Variants in PDLIM5 observed in about 807,000 individuals in gnomAD.
The protein encoded by PDLIM5 is PDZ and LIM domain 5, also known as PDZ and LIM domain protein 5.
In PDLIM5, 34 loss-of-function variants were observed where a neutral mutation model predicts 64.2. The observed-to-expected ratio is 0.53, with a 90% CI of 0.40 to 0.71. The LOEUF (loss-of-function observed/expected upper bound fraction) is 0.71, where lower values mean the gene tolerates loss of function less well. Ranked by LOEUF, PDLIM5 falls within the 30% of genes least tolerant of loss-of-function variation. PDLIM5 has a pLI of 0.00. For synonymous variants in PDLIM5, 253 were observed against 269.1 expected, an observed-to-expected ratio of 0.94 and a Z score of 0.59; for missense variants, 683 against 733.6, an observed-to-expected ratio of 0.93 and a Z score of 0.80.
In PDLIM5 at chr4:94,665,642, G is replaced by A; in HGVS notation, c.*1575G>A. On this transcript the variant is annotated 3_prime_UTR_variant, in exon 13 of 13. Coordinates refer to ENST00000317968, the MANE Select transcript of PDLIM5 (RefSeq NM_006457.5). ...CAGTTTCTGAGTTATGCCACTGGCTGATGAAGAGTTGAGAGGTCTCTTTGC... is the reference window on the plus strand; with the variant it reads ...CAGTTTCTGAGTTATGCCACTGGCTAATGAAGAGTTGAGAGGTCTCTTTGC... 1.9e-6 allele frequency: 2 copies of A among 1,026,228 alleles called. No individual in the cohort carries two copies. Among genetic ancestry groups the A allele is most frequent in the Non-Finnish European group, 2.3e-6 (2 of 856,960 alleles). 63.6% of individuals were successfully genotyped at this position (1,026,228 alleles called of 1,614,324 possible). A position where few individuals can be genotyped will look rare whatever the true frequency, so the allele number is the denominator to read the frequency against.
At chr4:94,592,781 C>T (rs1457806504) in intron 7 of PDLIM5, among the ~76,000 whole-genome samples, 1 of 152,086 alleles carries the variant, frequency 6.6e-6, no homozygotes, top group Admixed American at 6.6e-5. Flanking sequence ...CACACACCAC[C>T]ACACCTGGCT....
intron 8 of PDLIM5, among the ~76,000 whole-genome samples, chr4:94,626,805 T>C (rs978625909): frequency 6.6e-6 from 1 of 152,028 alleles, no homozygotes; most frequent in African/African-American, 2.4e-5. Context: ...TGTTTTTTTT[T>C]TGTGAGAAAG....
At chr4:94,541,074 C>T (rs1731764983) in intron 3 of PDLIM5, among the ~76,000 whole-genome samples, 1 of 152,198 alleles carries the variant, frequency 6.6e-6, no homozygotes, top group Admixed American at 6.5e-5. Context: ...GAGGCAAATT[C>T]ATGTGGGCTG....
chr4:94,546,420 T>C (rs1732322842), intron 3 of PDLIM5, among the ~76,000 whole-genome samples: 1 of 152,214 alleles, frequency 6.6e-6, no homozygotes, highest in Admixed American at 6.5e-5. Flanking sequence ...TAAACTTATC[T>C]AGAGAAGCAT....
intron 2 of PDLIM5, among the ~76,000 whole-genome samples, chr4:94,466,091 C>T (rs754345332): frequency 1.1e-4 from 17 of 152,058 alleles, no homozygotes; most frequent in Non-Finnish European, 2.4e-4. Flanking sequence ...CCTCAGCCTC[C>T]CAAGCAGCTG....
At chr4:94,558,047 C>G (rs1467164265) in intron 3 of PDLIM5, among the ~76,000 whole-genome samples, 1 of 152,096 alleles carries the variant, frequency 6.6e-6, no homozygotes, top group Non-Finnish European at 1.5e-5. Flanking sequence ...GTGAGTTTGT[C>G]ATAAGTAGCT....
chr4:94,588,736 A>C (rs1323130084), intron 7 of PDLIM5, among the ~76,000 whole-genome samples: 2 of 152,198 alleles, frequency 1.3e-5, no homozygotes, highest in Non-Finnish European at 2.9e-5. Flanking sequence ...TTACCGCTGA[A>C]GGACCTTGCC....
At chr4:94,564,464 G>A (rs185808171) in intron 3 of PDLIM5, among the ~76,000 whole-genome samples, 9 of 152,120 alleles carry the variant, frequency 5.9e-5, no homozygotes, top group Admixed American at 5.2e-4. Context: ...CAGGAATTCC[G>A]TACTTCAGGT....
chr4:94,599,778 T>C (rs1164888742), intron 7 of PDLIM5, among the ~76,000 whole-genome samples: 3 of 152,086 alleles, frequency 2.0e-5, no homozygotes, highest in African/African-American at 7.2e-5. Flanking sequence ...GTGAATGGTA[T>C]AGTGAGCCTC....
chr4:94,582,717 T>C (rs764048328), intron 5 of PDLIM5: 1 of 1,577,580 alleles, frequency 6.3e-7, no homozygotes, highest in Non-Finnish European at 8.7e-7. Flanking sequence ...CTTCCCTCAG[T>C]AACCCTGGCA....
chr4:94,501,998 G>A (rs1430362683), intron 2 of PDLIM5, among the ~76,000 whole-genome samples: 3 of 151,528 alleles, frequency 2.0e-5, no homozygotes, highest in Non-Finnish European at 2.9e-5. Context: ...AGGGGACTTT[G>A]GGGGCTCTGC....
chr4:94,564,445 T>G (rs1278868579), intron 3 of PDLIM5, among the ~76,000 whole-genome samples: 1 of 152,098 alleles, frequency 6.6e-6, no homozygotes, highest in African/African-American at 2.4e-5. Context: ...CACTTGCTAT[T>G]TGGACTGCCA....
At chr4:94,470,359 A>G (rs1457930255) in intron 2 of PDLIM5, among the ~76,000 whole-genome samples, 3 of 152,194 alleles carry the variant, frequency 2.0e-5, no homozygotes. Context: ...CTACTTTAAT[A>G]AAGAAATGTT....
chr4:94,658,585 G>A (rs1473830659), intron 11 of PDLIM5, among the ~76,000 whole-genome samples: 4 of 152,214 alleles, frequency 2.6e-5, no homozygotes, highest in African/African-American at 9.7e-5. Flanking sequence ...GCTCTGTGCT[G>A]ATAGAAGGAG....
At chr4:94,662,070 C>T (rs1437217404) in intron 11 of PDLIM5, among the ~76,000 whole-genome samples, 3 of 152,122 alleles carry the variant, frequency 2.0e-5, no homozygotes, top group Non-Finnish European at 4.4e-5. Flanking sequence ...CTGCCTACCT[C>T]AGCCTCCCAA....
chr4:94,584,012 A>G (rs766718694), intron 5 of PDLIM5, among the ~76,000 whole-genome samples: 2 of 152,220 alleles, frequency 1.3e-5, no homozygotes, highest in Non-Finnish European at 2.9e-5. Flanking sequence ...ACTAACTGTA[A>G]TTCTATCCTG....
chr4:94,541,734 GC>G (rs1731823006), intron 3 of PDLIM5, among the ~76,000 whole-genome samples: 2 of 152,236 alleles, frequency 1.3e-5, no homozygotes. Flanking sequence ...TCTCTGCCCA[GC>G]TGGAGGGGGC....
rs577592144 is a variant in PDLIM5, at chr4:94,539,263, A to C, written c.248+15388A>C. ...ACTTATATGTGTCTATGTATAATATATATGTGTCTATTTATAATATGTAAT... is the reference window on the plus strand; with the variant it reads ...ACTTATATGTGTCTATGTATAATATCTATGTGTCTATTTATAATATGTAAT... On this transcript the variant is annotated intron_variant, in intron 3 of 12. Transcript: ENST00000317968. 2.0e-5 allele frequency among the ~76,000 whole-genome samples: 3 copies of C among 152,240 alleles called. No homozygotes were observed. The South Asian group carries it at 6.2e-4, about 32-fold the overall frequency.
At chr4:94,464,453 A>C (rs1020668581) in intron 2 of PDLIM5, among the ~76,000 whole-genome samples, 1 of 152,198 alleles carries the variant, frequency 6.6e-6, no homozygotes, top group African/African-American at 2.4e-5. Context: ...TAGAATTAAG[A>C]GATTTAGTAA....
Sources: gnomAD v4.1 joint callset for allele counts (sites outside exome capture counted in the v4.1 genomes callset) on GRCh38, gnomAD v4.1.1 for gene constraint, MANE v1.5 for transcripts, NCBI Gene and HGNC (gene_info 2026-07-23, HGNC 2026-07-21) for gene names.